Variants in TRAPPC8 observed in about 807,000 individuals in gnomAD.
The protein encoded by TRAPPC8 is general sporulation gene 1 homolog.
TRAPPC8 carries 54 observed loss-of-function variants against 174.3 expected under a neutral mutation model. That is an observed-to-expected ratio of 0.31 (90% CI 0.25 to 0.39). The LOEUF (loss-of-function observed/expected upper bound fraction) is 0.39, where lower values mean the gene tolerates loss of function less well. Ranked by LOEUF, TRAPPC8 falls within the 10% of genes least tolerant of loss-of-function variation. The probability of loss-of-function intolerance (pLI) is 1.00; values close to 1 mark genes in which losing one functional copy is unlikely to be tolerated. For synonymous variants in TRAPPC8, 630 were observed against 579.9 expected, an observed-to-expected ratio of 1.09 and a Z score of -1.24; for missense variants, 1,531 against 1,699.1, an observed-to-expected ratio of 0.90 and a Z score of 1.74.
intron 22 of TRAPPC8, 102 bp downstream of exon 22, chr18:31,853,747 A>T: frequency 2.1e-5 from 17 of 810,580 alleles, no homozygotes; most frequent in Admixed American, 3.3e-5. Flanking sequence ...TTTAATGCTT[A>T]AAAAAGTTAA....
chr18:31,870,527 A>G (rs1173172379), intron 15 of TRAPPC8, 25 bp from the exon 16 acceptor site: 2 of 1,591,806 alleles, frequency 1.3e-6, no homozygotes, highest in Non-Finnish European at 8.5e-7. Flanking sequence ...GCCTAAATTA[A>G]TAACTTTAAT....
intron 2 of TRAPPC8, among the ~76,000 whole-genome samples, chr18:31,919,633 G>A (rs1184041244): frequency 6.6e-6 from 1 of 151,076 alleles, no homozygotes; most frequent in Non-Finnish European, 1.5e-5. Context: ...GAGGTGAGTG[G>A]ACTGCTTGAG....
rs775697877 is a variant in TRAPPC8 at position 31,890,783 on chromosome 18, A to G, written c.1680T>C (p.Tyr560=). Residue 560 remains tyrosine, a synonymous_variant, in exon 12 of 29, where the codon TAT becomes TAC. Transcript: ENST00000283351. ...GGCCTGCCAATATCATATGAAATGC[A>G]TATTTTCTAACCATGGGACTTTTCA... ...INMKSPMVRK[Y]AFHMILAGHR... is the part of the protein sequence containing the mutation. The G allele has an allele frequency of 9.3e-6, 15 of 1,612,516 alleles. No homozygotes were observed. The Middle Eastern group carries it at 4.9e-4, about 53-fold the overall frequency.
rs749931000 is a variant in TRAPPC8, at chr18:31,908,861, A to G, written c.1015T>C (p.Cys339Arg). The stretch of plus-strand genomic sequence containing the variant: ...CTATCATGATCAGTAAGTGTTAAAC[A>G]TGCACCATGAATTATTCCAGTATTT... ...KGNTGIIHGACLTLTDHDRIR... is the reference protein window; with the variant it reads ...KGNTGIIHGARLTLTDHDRIR... Residue 339 changes from cysteine to arginine, a missense_variant, in exon 7 of 29, where the codon TGT becomes CGT. Transcript: ENST00000283351. The G allele has an allele frequency of 3.1e-6, 5 of 1,613,716 alleles. No individual in the cohort carries two copies. Among genetic ancestry groups the G allele is most frequent in the South Asian group, 1.1e-5 (1 of 91,062 alleles).
rs912290020 is a variant in TRAPPC8 at position 31,897,274 on chromosome 18, CT to C, written c.1596+511del. ...ATCTTCAACAACTATAAATGAATTACTTTTTTCTCTTTTAAAATATTCACAA... is the reference window on the plus strand; with the variant it reads ...ATCTTCAACAACTATAAATGAATTACTTTTTCTCTTTTAAAATATTCACAA... On this transcript the variant is annotated intron_variant, in intron 11 of 28. Coordinates refer to ENST00000283351, the MANE Select transcript of TRAPPC8 (RefSeq NM_014939.5). 5.3e-5 allele frequency among the ~76,000 whole-genome samples: 8 copies of C among 152,158 alleles called. No homozygotes were observed. The South Asian group carries it at 6.2e-4, about 12-fold the overall frequency.
At chr18:31,838,459 T>C (rs1332952304) in intron 27 of TRAPPC8, among the ~76,000 whole-genome samples, 1 of 152,180 alleles carries the variant, frequency 6.6e-6, no homozygotes, top group Non-Finnish European at 1.5e-5. Flanking sequence ...TATCTCATCA[T>C]TTTCTTCAAG....
At chr18:31,873,622 C>A (rs1598644450) in intron 13 of TRAPPC8, 84 bp from the exon 14 acceptor site, 1 of 871,960 alleles carries the variant, frequency 1.1e-6, no homozygotes, top group Admixed American at 2.7e-5. Flanking sequence ...ATACACAAGG[C>A]ATTAAAAATA....
intron 13 of TRAPPC8, chr18:31,873,953 A>C (rs1314062492): frequency 2.3e-5 from 4 of 173,912 alleles, no homozygotes; most frequent in Non-Finnish European, 4.9e-5. Flanking sequence ...GAAAAAATTT[A>C]CAACTTCCCA....
intron 2 of TRAPPC8, among the ~76,000 whole-genome samples, chr18:31,919,516 G>C (rs1298748589): frequency 4.2e-5 from 6 of 142,266 alleles, no homozygotes; most frequent in Non-Finnish European, 9.5e-5. Context: ...CTGGGCAATA[G>C]AGTGAGACTC....
At chr18:31,853,738 T>G (rs1598608936) in intron 22 of TRAPPC8, 111 bp downstream of exon 22, 2 of 731,124 alleles carry the variant, frequency 2.7e-6, no homozygotes, top group East Asian at 5.8e-5. Flanking sequence ...AAATCACAAT[T>G]TAATGCTTAA....
chr18:31,836,900 T>C (rs1322916146), intron 27 of TRAPPC8, among the ~76,000 whole-genome samples: 1 of 151,806 alleles, frequency 6.6e-6, no homozygotes, highest in Non-Finnish European at 1.5e-5. Flanking sequence ...TAGCTGGGAC[T>C]ACAGGTGCCC....
intron 2 of TRAPPC8, among the ~76,000 whole-genome samples, chr18:31,922,127 G>A (rs1598743014): frequency 6.6e-6 from 1 of 152,108 alleles, no homozygotes. Flanking sequence ...AAAAAAGAAG[G>A]GACATGAATA....
At chr18:31,853,390 C>T (rs1292187465) in intron 22 of TRAPPC8, among the ~76,000 whole-genome samples, 2 of 152,140 alleles carry the variant, frequency 1.3e-5, no homozygotes, top group Non-Finnish European at 2.9e-5. Context: ...GCCTCAGCCT[C>T]CCGAGTAGCT....
chr18:31,915,469 AG>A (rs34274812), intron 4 of TRAPPC8, among the ~76,000 whole-genome samples: 1,139 of 98,802 alleles, frequency 0.012, 9 homozygotes, highest in Non-Finnish European at 0.016. Context: ...TCAAAAAAAA[AG>A]GGGGGGGGGG....
At chr18:31,890,664 A>G (rs2035914317) in intron 12 of TRAPPC8, 71 bp downstream of exon 12, 1 of 1,520,902 alleles carries the variant, frequency 6.6e-7, no homozygotes, top group East Asian at 2.4e-5. Flanking sequence ...TTTTTAAATA[A>G]TAAAAATGGA....
intron 10 of TRAPPC8, 48 bp from the exon 11 acceptor site, chr18:31,897,939 C>T (rs1268742453): frequency 3.3e-6 from 5 of 1,499,760 alleles, no homozygotes; most frequent in African/African-American, 1.4e-5. Flanking sequence ...AATACCTTAG[C>T]ACATCAAAGT....
chr18:31,902,372 A>G (rs1466380147), intron 9 of TRAPPC8, among the ~76,000 whole-genome samples: 1 of 152,056 alleles, frequency 6.6e-6, no homozygotes, highest in Non-Finnish European at 1.5e-5. Flanking sequence ...AAGTATGCTG[A>G]CCCTACACTG....
At chr18:31,837,612 C>T (rs573806322) in intron 27 of TRAPPC8, among the ~76,000 whole-genome samples, 2 of 152,120 alleles carry the variant, frequency 1.3e-5, no homozygotes, top group East Asian at 3.9e-4. Flanking sequence ...GCACGAGAAT[C>T]ACTTGAACCT....
chr18:31,936,772 C>T (rs1361235001), intron 1 of TRAPPC8, among the ~76,000 whole-genome samples: 1 of 151,274 alleles, frequency 6.6e-6, no homozygotes, highest in African/African-American at 2.4e-5. Context: ...AGTGGTGGCC[C>T]GTGCCTGTAA....
Sources: allele counts gnomAD v4.1 joint callset (sites outside exome capture counted in the v4.1 genomes callset), GRCh38; gene constraint gnomAD v4.1.1; transcripts MANE v1.5; gene names NCBI Gene and HGNC (gene_info 2026-07-23, HGNC 2026-07-21).